HNRNPA3: variants seen among roughly 807,000 people sequenced by gnomAD.
The protein encoded by HNRNPA3 is epididymis secretory sperm binding protein.
In HNRNPA3, 3 loss-of-function variants were observed where a neutral mutation model predicts 45.8. The ratio of observed to expected loss-of-function variants is 0.07; its 90% CI spans 0.03 to 0.17. HNRNPA3 has a LOEUF of 0.17. HNRNPA3 is among the 10% of genes least tolerant of loss of function. The probability of loss-of-function intolerance (pLI) is 1.00; values close to 1 mark genes in which losing one functional copy is unlikely to be tolerated. For missense variants in HNRNPA3, 183 were observed against 480.3 expected, an observed-to-expected ratio of 0.38 and a Z score of 5.79; for synonymous variants, 170 against 155.6, an observed-to-expected ratio of 1.09 and a Z score of -0.69.
chr2:177,216,788 C>G lies in HNRNPA3; in HGVS notation c.739+17C>G, dbSNP rs1244234260. On this transcript the variant is annotated intron_variant, in intron 6 of 10. Coordinates refer to ENST00000392524, the Ensembl canonical transcript of HNRNPA3. ...GTGGAAGAGGTAGGCTGTTTATCTT[C>G]TAAGTACATGGATACCTGACATTTT... 6.2e-7 allele frequency: 1 copy of G among 1,614,012 alleles called. No homozygotes were observed. Among genetic ancestry groups the G allele is most frequent in the Non-Finnish European group, 8.5e-7 (1 of 1,179,944 alleles).
chr2:177,217,790 A>G lies in HNRNPA3; in HGVS notation c.906A>G (p.Gly302=), dbSNP rs147026388. 4 of 1,612,660 alleles carry G rather than the reference A, an allele frequency of 2.5e-6. No homozygotes were observed. In the Admixed American group the frequency reaches 5.0e-5, roughly 20 times the overall value. Reference sequence around the variant, plus strand: ...CAGGATATGGAAACCAAGGTGGTGGATATGGTGGAGGTGGAGGATATGATG... The same window carrying G: ...CAGGATATGGAAACCAAGGTGGTGGGTATGGTGGAGGTGGAGGATATGATG... The change falls in exon 8 of 11, where the codon GGA becomes GGG. Residue 302 remains glycine (G), a synonymous_variant. Transcript: ENST00000392524.
intron 1 of HNRNPA3, among the ~76,000 whole-genome samples, chr2:177,213,956 A>G (rs1688806459): frequency 6.6e-6 from 1 of 152,242 alleles, no homozygotes; most frequent in South Asian, 2.1e-4. Flanking sequence ...GATTACATGA[A>G]TTAATGCTTT....
chr2:177,220,193 G>C (rs1689129124), downstream of HNRNPA3: 1 of 152,526 alleles, frequency 6.6e-6, no homozygotes, highest in Admixed American at 6.5e-5. Flanking sequence ...TGTTAGACTT[G>C]CTGAGTCCTA....
exon 11 of HNRNPA3, chr2:177,219,580 G>C (rs1689099490): frequency 2.9e-6 from 1 of 344,754 alleles, no homozygotes; most frequent in Non-Finnish European, 5.4e-6. Flanking sequence ...TCTTGTTCAG[G>C]ACTGTCATAG....
exon 11 of HNRNPA3, chr2:177,219,496 A>G: frequency 2.0e-6 from 1 of 497,636 alleles, no homozygotes; most frequent in East Asian, 3.2e-5. Flanking sequence ...CATTAGAGGA[A>G]CTGTAAAAAT....
chr2:177,219,384 T>A, intron 10 of HNRNPA3, 24 bp from the exon 11 acceptor site: 1 of 1,205,218 alleles, frequency 8.3e-7, no homozygotes, highest in Non-Finnish European at 1.2e-6. Flanking sequence ...TGTAATAATT[T>A]TTTTATCCTG....
downstream of HNRNPA3, chr2:177,223,773 G>A (rs1032145941): frequency 1.3e-5 from 2 of 152,160 alleles, no homozygotes; most frequent in African/African-American, 4.8e-5. Context: ...GAAGTGTTCT[G>A]TAATGGATTC....
chr2:177,215,228 G>A (rs1217570900), intron 1 of HNRNPA3, among the ~76,000 whole-genome samples: 1 of 152,044 alleles, frequency 6.6e-6, no homozygotes, highest in Non-Finnish European at 1.5e-5. Context: ...TCGAGTAGCT[G>A]GGATTACAGA....
At chr2:177,218,651 C>G (rs116383957) in intron 8 of HNRNPA3, among the ~76,000 whole-genome samples, 3,798 of 152,256 alleles carry the variant, frequency 0.025, 132 homozygotes, top group African/African-American at 0.077. Context: ...CATTAAGCCA[C>G]AATACTGTTA....
At chr2:177,222,253 A>G (rs983754997), downstream of HNRNPA3, 5 of 152,446 alleles carry the variant, frequency 3.3e-5, no homozygotes, top group Admixed American at 3.3e-4. Flanking sequence ...TCTTCAACTG[A>G]AAACTACCTT....
In HNRNPA3 at chr2:177,213,812, G is replaced by A. The variant is rs183286413; in HGVS notation, c.72+941G>A. On this transcript the variant is annotated intron_variant, in intron 1 of 10. Coordinates refer to ENST00000392524, the Ensembl canonical transcript of HNRNPA3. ...AGTCGGCTCTGGTTGTAGTTTCCTGGAATTTTATTTAGAGGACTGCAACCA... is the reference window on the plus strand; with the variant it reads ...AGTCGGCTCTGGTTGTAGTTTCCTGAAATTTTATTTAGAGGACTGCAACCA... Among the ~76,000 whole-genome samples, 451 of 152,292 alleles carry A rather than the reference G, an allele frequency of 3.0e-3. 10 individuals are homozygous for A. In the East Asian group the frequency reaches 0.045, roughly 15 times the overall value.
intron 8 of HNRNPA3, among the ~76,000 whole-genome samples, chr2:177,218,384 A>C (rs898939232): frequency 6.6e-6 from 1 of 152,174 alleles, no homozygotes; most frequent in African/African-American, 2.4e-5. Flanking sequence ...TTTTTAGTTG[A>C]GTAGTAAAAA....
downstream of HNRNPA3, chr2:177,221,535 A>T (rs767897701): frequency 6.6e-6 from 1 of 152,668 alleles, no homozygotes; most frequent in Non-Finnish European, 1.5e-5. Flanking sequence ...TTTACAACCT[A>T]TAAGCAGGTG....
intron 1 of HNRNPA3, among the ~76,000 whole-genome samples, chr2:177,213,351 G>GA (rs922573172): frequency 1.4e-4 from 21 of 152,386 alleles, no homozygotes; most frequent in African/African-American, 4.8e-4. Context: ...AGCGAGCCTG[G>GA]GATTGGAGGG....
intron 1 of HNRNPA3, among the ~76,000 whole-genome samples, chr2:177,215,014 AT>A (rs1688869477): frequency 6.6e-6 from 1 of 152,216 alleles, no homozygotes; most frequent in Non-Finnish European, 1.5e-5. Context: ...AGTTGAAGTG[AT>A]GCTGGCATTT....
chr2:177,218,653 A>G (rs987730925), intron 8 of HNRNPA3, among the ~76,000 whole-genome samples: 3 of 152,232 alleles, frequency 2.0e-5, no homozygotes, highest in African/African-American at 4.8e-5. Context: ...TTAAGCCACA[A>G]TACTGTTAAA....
intron 1 of HNRNPA3, among the ~76,000 whole-genome samples, chr2:177,214,031 C>T (rs752828445): frequency 1.9e-4 from 29 of 152,186 alleles, no homozygotes; most frequent in Non-Finnish European, 2.8e-4. Flanking sequence ...AACATCTCTA[C>T]CTCTAGGAGA....
downstream of HNRNPA3, chr2:177,220,629 G>C (rs1273513410): frequency 6.6e-6 from 1 of 152,618 alleles, no homozygotes; most frequent in African/African-American, 2.4e-5. Flanking sequence ...CCTAACTGCA[G>C]CAGAAATGTA....
At position 177,215,498 on chromosome 2, in the gene HNRNPA3, C is replaced by G. The variant is rs1688895398; in HGVS notation, c.73-41C>G. ...AGGCTCTTCGTGCATCTTAATTCATCTACTGTAAGGTAACTTAAGAGTATT... is the reference window on the plus strand; with the variant it reads ...AGGCTCTTCGTGCATCTTAATTCATGTACTGTAAGGTAACTTAAGAGTATT... On this transcript the variant is annotated intron_variant, in intron 1 of 10. Transcript: ENST00000392524. 2.5e-6 allele frequency: 4 copies of G among 1,601,122 alleles called. No individual in the cohort carries two copies. The East Asian group carries it at 6.7e-5, about 27-fold the overall frequency.
Sources: gnomAD v4.1 joint callset for allele counts (sites outside exome capture counted in the v4.1 genomes callset) on GRCh38, gnomAD v4.1.1 for gene constraint, MANE v1.5 for transcripts, NCBI Gene and HGNC (gene_info 2026-07-23, HGNC 2026-07-21) for gene names.